ANO7: variants seen among roughly 807,000 people sequenced by gnomAD.
ANO7 encodes the protein anoctamin-7.
A neutral mutation model predicts 115.8 loss-of-function variants in ANO7; 114 were observed. The observed-to-expected ratio is 0.98, with a 90% CI of 0.85 to 1.15. The LOEUF (loss-of-function observed/expected upper bound fraction) is 1.15, where lower values mean the gene tolerates loss of function less well. Ranked by LOEUF, ANO7 falls within the 50% of genes most tolerant of loss-of-function variation. The pLI, the probability that ANO7 is intolerant of heterozygous loss-of-function variation, is 0.00. For missense variants in ANO7, 1,302 were observed against 1,201.2 expected (o/e 1.08, Z -1.24); for synonymous variants, 550 against 498.2 (o/e 1.10, Z -1.38).
the ANO7 span, chr2:241,240,205 C>G: frequency 4.5e-5 from 60 of 1,324,242 alleles, no homozygotes; most frequent in Non-Finnish European, 6.4e-5. This position sits in a 1 kb window ranked among gnomAD's most constrained non-coding sequence, Gnocchi z 5.5. Flanking sequence ...TGTAGGACAG[C>G]AAGCTCGGGC....
rs1003136568 is a variant in ANO7, at chr2:241,190,258, G to A, written c.108+87G>A. ...CCCCACCCTGGGCCCAGAGCCTCTG[G>A]GGGTGGATGGGCATCACCGTGTTTC... On this transcript the variant is annotated intron_variant, in intron 2 of 24. Coordinates refer to ENST00000674324, the MANE Select transcript of ANO7 (RefSeq NM_001370694.2). The A allele has an allele frequency of 4.3e-6, 5 of 1,163,938 alleles. No individual in the cohort carries two copies. In the African/African-American group the frequency reaches 4.6e-5, roughly 11 times the overall value. The allele number at this position is 1,163,938 out of a possible 1,614,324, so 72.1% of individuals were successfully genotyped here. A position where few individuals can be genotyped will look rare whatever the true frequency, so the allele number is the denominator to read the frequency against.
chr2:241,188,799 G>GGA lies in ANO7; in HGVS notation c.-8+36_-8+37dup. The stretch of plus-strand genomic sequence containing the variant: ...CCCAGCCTAGACGTGTGGGCCACAG[G>GGA]GAGAAGGTGGAGCGTTGGACTCTAG... On this transcript the variant is annotated intron_variant, in intron 1 of 24. Transcript: ENST00000674324. This position sits in a 1 kb window ranked among gnomAD's most constrained non-coding sequence, Gnocchi z 4.3. 1.2e-6 allele frequency: 2 copies of GGA among 1,601,274 alleles called. No individual in the cohort carries two copies. Among genetic ancestry groups the GGA allele is most frequent in the Non-Finnish European group, 1.7e-6 (2 of 1,172,280 alleles).
the ANO7 span, chr2:241,239,778 G>A: frequency 6.2e-7 from 1 of 1,614,050 alleles, no homozygotes; most frequent in South Asian, 1.1e-5. This position sits in a 1 kb window ranked among gnomAD's most constrained non-coding sequence, Gnocchi z 4.6. Flanking sequence ...AAGTGGCGGT[G>A]GTGCTTGGGG....
At chr2:241,218,525 C>G (rs866839309) in intron 21 of ANO7, 144 bp downstream of exon 21, 4 of 508,514 alleles carry the variant, frequency 7.9e-6, no homozygotes, top group East Asian at 4.6e-5. Flanking sequence ...GAGCTGGGGG[C>G]GCCGTGGGCA....
At chr2:241,217,012 T>C (rs2068847073) in intron 19 of ANO7, among the ~76,000 whole-genome samples, 1 of 152,060 alleles carries the variant, frequency 6.6e-6, no homozygotes, top group Admixed American at 6.6e-5. Flanking sequence ...TTTGTATTTT[T>C]AGTAGAGGCG....
At chr2:241,233,236 T>C in the ANO7 span, among the ~76,000 whole-genome samples, 1 of 151,896 alleles carries the variant, frequency 6.6e-6, no homozygotes, top group Non-Finnish European at 1.5e-5. The surrounding 1 kb of genome is among the most constrained non-coding windows in gnomAD (Gnocchi z 4.3). Context: ...GAGGGGGTGT[T>C]GGGTGAGGCT....
intron 4 of ANO7, among the ~76,000 whole-genome samples, chr2:241,197,739 C>G (rs1025976912): frequency 1.3e-5 from 2 of 150,076 alleles, no homozygotes; most frequent in Non-Finnish European, 2.9e-5. Context: ...CAACTTCTGT[C>G]TCCTGGGTTC....
At position 241,218,297 on chromosome 2, in the gene ANO7, G is replaced by C. The variant is rs201093415; in HGVS notation, c.2237G>C (p.Arg746Pro). Residue 746 changes from arginine (R) to proline (P), a missense_variant, in exon 21 of 25, where the codon CGC becomes CCC. Physicochemically the swap from Arg to Pro is moderately radical, Grantham distance 103 (BLOSUM62 -2). Coordinates refer to ENST00000674324, the MANE Select transcript of ANO7 (RefSeq NM_001370694.2). ...CCGCGCGCCTACTACCGGTGGACCCGCGCCCACGACCTGCGCGGCTTCCTC... is the reference window on the plus strand; with the variant it reads ...CCGCGCGCCTACTACCGGTGGACCCCCGCCCACGACCTGCGCGGCTTCCTC... ...FLPRAYYRWT[R>P]AHDLRGFLNF... is the part of the protein sequence containing the mutation. 6.5e-7 allele frequency: 1 copy of C among 1,535,972 alleles called. No individual in the cohort carries two copies. Among genetic ancestry groups the C allele is most frequent in the Non-Finnish European group, 8.7e-7 (1 of 1,149,032 alleles).
chr2:241,209,591 C>G lies in ANO7; in HGVS notation c.1315C>G (p.Arg439Gly), dbSNP rs771932151. The change falls in exon 13 of 25, where the codon CGC becomes GGC. Residue 439 changes from arginine (R) to glycine (G), a missense_variant. Coordinates refer to ENST00000674324, the MANE Select transcript of ANO7 (RefSeq NM_001370694.2). ...CGAGCCCTACTTCCCTGAGAGGAGCCGCGCGCGCCGCATGCTGGCCGGCTC... is the reference window on the plus strand; with the variant it reads ...CGAGCCCTACTTCCCTGAGAGGAGCGGCGCGCGCCGCATGCTGGCCGGCTC... ...EDEPYFPERSRARRMLAGSVV... is the reference protein window; with the variant it reads ...EDEPYFPERSGARRMLAGSVV... 2 of 1,600,420 alleles carry G rather than the reference C, an allele frequency of 1.2e-6. No individual in the cohort carries two copies. Among genetic ancestry groups the G allele is most frequent in the Admixed American group, 1.7e-5 (1 of 59,014 alleles).
At chr2:241,235,171 C>T in the ANO7 span, 1 of 1,614,148 alleles carries the variant, frequency 6.2e-7, no homozygotes, top group Non-Finnish European at 8.5e-7. Flanking sequence ...AGCAGTCCAG[C>T]CTTGGCCCGG....
intron 19 of ANO7, among the ~76,000 whole-genome samples, chr2:241,216,994 C>T (rs1241404716): frequency 2.0e-5 from 3 of 152,156 alleles, no homozygotes; most frequent in South Asian, 2.1e-4. Flanking sequence ...CCACCACGCC[C>T]GGCTAATTTT....
At chr2:241,218,521 G>A in intron 21 of ANO7, 140 bp downstream of exon 21, 1 of 737,752 alleles carries the variant, frequency 1.4e-6, no homozygotes, top group Non-Finnish European at 1.8e-6. Flanking sequence ...GGGGGAGCTG[G>A]GGGCGCCGTG....
chr2:241,203,006 C>T lies in ANO7; in HGVS notation c.724-327C>T, dbSNP rs1172362794. Among the ~76,000 whole-genome samples the T allele has an allele frequency of 6.6e-6, 1 of 152,194 alleles. No individual in the cohort carries two copies. The highest frequency in any genetic ancestry group is 1.5e-5 in the Non-Finnish European group (1 of 68,012). On this transcript the variant is annotated intron_variant, in intron 8 of 24. Transcript: ENST00000674324. This position sits in a 1 kb window ranked among gnomAD's most constrained non-coding sequence, Gnocchi z 4.8. ...AGAATGCACAGCACAGGACACGAGC[C>T]TGGGGACTCTCCAACCCAGAGAAGG...
At position 241,207,516 on chromosome 2, in the gene ANO7, AGG is replaced by A. The variant is rs2068620382; in HGVS notation, c.981-57_981-56del. On this transcript the variant is annotated intron_variant, in intron 10 of 24. Transcript: ENST00000674324. Reference sequence around the variant, plus strand: ...AGGACAAGGGAGGCGCCTGGCTGGGAGGAGCAAGCAGCCCCCCTCCCCCATTA... The same window carrying A: ...AGGACAAGGGAGGCGCCTGGCTGGGAAGCAAGCAGCCCCCCTCCCCCATTA... The A allele has an allele frequency of 4.8e-6, 7 of 1,470,100 alleles. No homozygotes were observed. The East Asian group carries it at 1.6e-4, about 34-fold the overall frequency. The allele number at this position is 1,470,100 out of a possible 1,614,324, so 91.1% of individuals were successfully genotyped here.
rs775132010 is a variant in ANO7 at position 241,190,033 on chromosome 2, C to T, written c.-7-24C>T. 11 of 1,542,710 alleles carry T rather than the reference C, an allele frequency of 7.1e-6. No individual in the cohort carries two copies. The African/African-American group carries it at 1.1e-4, about 15-fold the overall frequency. ...ACCCATCCCCTCTCTGACCCCCATC[C>T]CCACCCGGCCTTGCTGGGTGCAGGA... On this transcript the variant is annotated intron_variant, in intron 1 of 24. Coordinates refer to ENST00000674324, the MANE Select transcript of ANO7 (RefSeq NM_001370694.2).
the ANO7 span, among the ~76,000 whole-genome samples, chr2:241,234,501 G>A: frequency 0.42 from 64,029 of 152,000 alleles, 14,606 homozygotes; most frequent in Middle Eastern, 0.62. Flanking sequence ...CACCAGACTC[G>A]ACGTGCTCAC....
At chr2:241,230,868 C>T, downstream of ANO7, 1 of 1,614,202 alleles carries the variant, frequency 6.2e-7, no homozygotes, top group Non-Finnish European at 8.5e-7. The surrounding 1 kb of genome is among the most constrained non-coding windows in gnomAD (Gnocchi z 5.0). Flanking sequence ...CTCAAGTTCA[C>T]CCACAATTCT....
the ANO7 span, chr2:241,239,785 G>A: frequency 6.2e-7 from 1 of 1,613,994 alleles, no homozygotes. This position sits in a 1 kb window ranked among gnomAD's most constrained non-coding sequence, Gnocchi z 4.6. Flanking sequence ...GGTGGTGCTT[G>A]GGGTCCACCA....
chr2:241,217,574 C>A, intron 19 of ANO7, 112 bp from the exon 20 acceptor site: 1 of 1,253,072 alleles, frequency 8.0e-7, no homozygotes, highest in Non-Finnish European at 1.1e-6. Context: ...GCGGAATGAG[C>A]CGCGATGGGG....
Sources: allele counts gnomAD v4.1 joint callset (sites outside exome capture counted in the v4.1 genomes callset), GRCh38; gene constraint gnomAD v4.1.1; non-coding constraint Gnocchi (gnomAD v3.1); transcripts MANE v1.5; gene names NCBI Gene and HGNC (gene_info 2026-07-23, HGNC 2026-07-21).